SPATA13: variants seen among roughly 807,000 people sequenced by gnomAD.
SPATA13 encodes spermatogenesis-associated protein 13.
Under a neutral mutation model 104.0 loss-of-function variants are expected in SPATA13, and 50 were observed. The observed-to-expected ratio is 0.48, with a 90% CI of 0.38 to 0.61. SPATA13 has a LOEUF of 0.61. Ranked by LOEUF, SPATA13 falls within the 20% of genes least tolerant of loss-of-function variation. SPATA13 has a pLI of 0.00. For synonymous variants in SPATA13, 606 were observed against 667.5 expected (o/e 0.91, Z 1.42); for missense variants, 1,524 against 1,690.6 (o/e 0.90, Z 1.73).
chr13:24,289,200 T>C, intron 8 of SPATA13, 22 bp downstream of exon 8: 1 of 1,583,788 alleles, frequency 6.3e-7, no homozygotes, highest in African/African-American at 1.4e-5. Flanking sequence ...TTTACTTCAT[T>C]ATTAATAACA....
chr13:24,191,457 C>T (rs1002906734), intron 1 of SPATA13, among the ~76,000 whole-genome samples: 2 of 151,056 alleles, frequency 1.3e-5, no homozygotes, highest in African/African-American at 2.4e-5. Flanking sequence ...GCAATATCTC[C>T]CAAGGCATGG....
intron 3 of SPATA13, among the ~76,000 whole-genome samples, chr13:24,103,525 GGA>G (rs377238152): frequency 1.7e-4 from 25 of 145,646 alleles, no homozygotes; most frequent in East Asian, 9.8e-4. Flanking sequence ...GAGCAGGGGA[GGA>G]GAGAGAGAGA....
chr13:24,121,657 A>G (rs1326609950), intron 3 of SPATA13, among the ~76,000 whole-genome samples: 1 of 152,194 alleles, frequency 6.6e-6, no homozygotes, highest in East Asian at 1.9e-4. Flanking sequence ...TGTAAAAATT[A>G]CATCTACCTT....
chr13:24,297,555 G>T lies in SPATA13; in HGVS notation c.3403G>T (p.Val1135Leu), dbSNP rs1876874898. Residue 1135 changes from valine (V) to leucine (L), a missense_variant, in exon 11 of 13, where the codon GTG (valine) becomes TTG (leucine). Coordinates refer to ENST00000382108, the MANE Select transcript of SPATA13 (RefSeq NM_001166271.3). Reference protein sequence around the residue: ...GRLDMDEMELVDLGDGRDKDC... With the variant: ...GRLDMDEMELLDLGDGRDKDC... ...GCTGGACATGGATGAGATGGAGCTTGTGGACCTGGGGGATGGGCGCGACAA... is the reference window on the plus strand; with the variant it reads ...GCTGGACATGGATGAGATGGAGCTTTTGGACCTGGGGGATGGGCGCGACAA... 6.2e-7 allele frequency: 1 copy of T among 1,614,138 alleles called. No individual in the cohort carries two copies. The highest frequency in any genetic ancestry group is 8.5e-7 in the Non-Finnish European group (1 of 1,180,062).
rs1365844448 is a variant in SPATA13, at chr13:24,122,799, T to C, written c.-111-100020T>C. ...AAGTAGCTGCCACATCTGTGGAGAC[T>C]CTCGTTGTCATGTCAAACTGTGCAC... On this transcript the variant is annotated intron_variant, in intron 3 of 14. Coordinates refer to the SPATA13 transcript ENST00000424834. 3 of 779,076 alleles carry C rather than the reference T, an allele frequency of 3.9e-6. No individual in the cohort carries two copies. The East Asian group carries it at 7.3e-5, about 19-fold the overall frequency. 48.3% of individuals were successfully genotyped at this position (779,076 alleles called of 1,614,324 possible).
intron 11 of SPATA13, among the ~76,000 whole-genome samples, chr13:24,298,676 C>T (rs980123643): frequency 1.3e-5 from 2 of 152,140 alleles, no homozygotes. Context: ...AGCATACGCC[C>T]CTCCCCATCC....
intron 3 of SPATA13, among the ~76,000 whole-genome samples, chr13:24,147,449 G>A (rs986456580): frequency 2.0e-5 from 3 of 152,154 alleles, no homozygotes; most frequent in African/African-American, 7.2e-5. Flanking sequence ...GGCCAAGCTT[G>A]TCTATCCACT....
chr13:24,028,420 A>G (rs1471482604), intron 3 of SPATA13, among the ~76,000 whole-genome samples: 2 of 152,138 alleles, frequency 1.3e-5, no homozygotes, highest in Non-Finnish European at 2.9e-5. Flanking sequence ...GTTGGTTGTT[A>G]GTTTCTCCTA....
In SPATA13 at chr13:24,306,785, C is replaced by T. The variant is rs1051640647; in HGVS notation, c.*4012C>T. On this transcript the variant is annotated 3_prime_UTR_variant, in exon 13 of 13. Coordinates refer to ENST00000382108, the MANE Select transcript of SPATA13 (RefSeq NM_001166271.3). ...AATCTTTTTTTGTAAATATTAGTGT[C>T]CATTCTGTATGACTCGCTAACCTAC... 6.6e-6 allele frequency: 1 copy of T among 152,052 alleles called. No individual in the cohort carries two copies. The highest frequency in any genetic ancestry group is 1.5e-5 in the Non-Finnish European group (1 of 68,014). The allele number at this position is 152,052 out of a possible 1,614,324, so 9.4% of individuals were successfully genotyped here.
chr13:24,183,586 CATT>C (rs1367495717), intron 1 of SPATA13, among the ~76,000 whole-genome samples: 4 of 145,108 alleles, frequency 2.8e-5, no homozygotes, highest in Non-Finnish European at 6.0e-5. Context: ...TTTCTCAAAA[CATT>C]ATGAGATTTC....
chr13:24,284,669 TAAAG>T (rs1349471752), intron 5 of SPATA13, among the ~76,000 whole-genome samples: 1 of 151,988 alleles, frequency 6.6e-6, no homozygotes, highest in Non-Finnish European at 1.5e-5. Context: ...ATCTCAAAAA[TAAAG>T]AAAGAACAAC....
intron 1 of SPATA13, among the ~76,000 whole-genome samples, chr13:23,981,645 C>G (rs538535808): frequency 6.6e-6 from 1 of 152,280 alleles, no homozygotes; most frequent in South Asian, 2.1e-4. Flanking sequence ...GTGGGTTTTG[C>G]TCTTTCAAGG....
intron 1 of SPATA13, among the ~76,000 whole-genome samples, chr13:24,212,689 A>T (rs1437842127): frequency 6.6e-6 from 1 of 152,212 alleles, no homozygotes; most frequent in Non-Finnish European, 1.5e-5. Flanking sequence ...AAGTTTAAAC[A>T]CAGTTAAGTG....
At chr13:24,071,069 G>T (rs1879145239) in intron 3 of SPATA13, among the ~76,000 whole-genome samples, 1 of 152,212 alleles carries the variant, frequency 6.6e-6, no homozygotes, top group Admixed American at 6.5e-5. Flanking sequence ...GAACCATGAT[G>T]AATGCACTCA....
intron 4 of SPATA13, among the ~76,000 whole-genome samples, chr13:24,264,143 T>A (rs1874186706): frequency 6.6e-6 from 1 of 151,134 alleles, no homozygotes; most frequent in South Asian, 2.1e-4. Flanking sequence ...AGTATTAAAC[T>A]TTTTTTTTAG....
intron 2 of SPATA13, among the ~76,000 whole-genome samples, chr13:24,015,417 T>A (rs1425612934): frequency 1.3e-5 from 2 of 152,234 alleles, no homozygotes; most frequent in Non-Finnish European, 2.9e-5. Flanking sequence ...GAAAATCCTT[T>A]CTTCAAAGTA....
chr13:24,097,266 T>C (rs1271564804), intron 3 of SPATA13, among the ~76,000 whole-genome samples: 1 of 152,210 alleles, frequency 6.6e-6, no homozygotes, highest in African/African-American at 2.4e-5. Context: ...ATCATCCATT[T>C]AGTCCTCTCA....
chr13:24,164,286 A>G (rs1163507272), intron 1 of SPATA13, among the ~76,000 whole-genome samples: 1 of 152,184 alleles, frequency 6.6e-6, no homozygotes, highest in Non-Finnish European at 1.5e-5. Flanking sequence ...CCTCTGCTGT[A>G]CCCACATCCT....
intron 3 of SPATA13, among the ~76,000 whole-genome samples, chr13:24,053,073 A>G (rs9507228): frequency 0.032 from 4,813 of 151,172 alleles, 122 homozygotes; most frequent in East Asian, 0.11. Flanking sequence ...GTTTTGTTTC[A>G]ATTTTCTGAG....
Sources: allele counts gnomAD v4.1 joint callset (sites outside exome capture counted in the v4.1 genomes callset), GRCh38; gene constraint gnomAD v4.1.1; transcripts MANE v1.5; gene names NCBI Gene and HGNC (gene_info 2026-07-23, HGNC 2026-07-21).